The following LHFPL3 variants were observed in gnomAD, a reference collection of about 807,000 sequenced individuals.
LHFPL3 encodes the protein LHFPL tetraspan subfamily member 3.
In LHFPL3, 5 loss-of-function variants were observed where a neutral mutation model predicts 19.3. That is an observed-to-expected ratio of 0.26 (90% CI 0.14 to 0.54). The LOEUF (loss-of-function observed/expected upper bound fraction) is 0.54, where lower values mean the gene tolerates loss of function less well. LHFPL3 is among the 20% of genes least tolerant of loss of function. The pLI, the probability that LHFPL3 is intolerant of heterozygous loss-of-function variation, is 0.94. For synonymous variants in LHFPL3, 133 were observed against 126.2 expected (o/e 1.05, Z -0.36); for missense variants, 249 against 307.4 (o/e 0.81, Z 1.42).
chr7:104,590,406 G>C (rs538645468), intron 1 of LHFPL3, among the ~76,000 whole-genome samples: 6 of 152,008 alleles, frequency 3.9e-5, no homozygotes, highest in Non-Finnish European at 8.8e-5. Flanking sequence ...GTTCAGTTTC[G>C]ATGTAGTTGA....
At chr7:104,526,247 G>A (rs1794187190) in intron 1 of LHFPL3, among the ~76,000 whole-genome samples, 1 of 152,016 alleles carries the variant, frequency 6.6e-6, no homozygotes, top group African/African-American at 2.4e-5. Context: ...CATGGATTGG[G>A]GAAAAGTTGG....
At chr7:104,687,092 C>T (rs2116115626) in intron 1 of LHFPL3, among the ~76,000 whole-genome samples, 1 of 152,298 alleles carries the variant, frequency 6.6e-6, no homozygotes, top group South Asian at 2.1e-4. Context: ...AGAGCCAGAC[C>T]ATATATAGCT....
chr7:104,577,235 A>G (rs1053060617), intron 1 of LHFPL3, among the ~76,000 whole-genome samples: 3 of 152,160 alleles, frequency 2.0e-5, no homozygotes, highest in African/African-American at 7.2e-5. Context: ...AGCTAGACAT[A>G]TTAAGTGGGT....
At chr7:104,712,387 C>A (rs1453823410) in intron 1 of LHFPL3, among the ~76,000 whole-genome samples, 1 of 152,206 alleles carries the variant, frequency 6.6e-6, no homozygotes, top group Non-Finnish European at 1.5e-5. Flanking sequence ...TGTATCCTCA[C>A]ATGGCAGAAA....
At chr7:104,351,214 A>C (rs1790168261) in intron 1 of LHFPL3, among the ~76,000 whole-genome samples, 1 of 152,190 alleles carries the variant, frequency 6.6e-6, no homozygotes, top group South Asian at 2.1e-4. Flanking sequence ...GTAAATTGGC[A>C]GCCATCCAGA....
intron 2 of LHFPL3, among the ~76,000 whole-genome samples, chr7:104,778,925 C>T (rs1794677007): frequency 1.3e-5 from 2 of 152,222 alleles, no homozygotes; most frequent in South Asian, 2.1e-4. Flanking sequence ...TGCCATAATG[C>T]CTGGCTAAAT....
intron 2 of LHFPL3, among the ~76,000 whole-genome samples, chr7:104,815,080 G>A (rs1189519869): frequency 6.6e-6 from 1 of 152,108 alleles, no homozygotes; most frequent in Non-Finnish European, 1.5e-5. Flanking sequence ...CAGGAAAGTG[G>A]GACTCCCGCC....
chr7:104,707,969 A>G (rs144278142), intron 1 of LHFPL3, among the ~76,000 whole-genome samples: 2 of 152,376 alleles, frequency 1.3e-5, no homozygotes, highest in African/African-American at 4.8e-5. Context: ...AAAGAGGTAC[A>G]TCAGAGAGGC....
intron 1 of LHFPL3, among the ~76,000 whole-genome samples, chr7:104,511,944 C>CT (rs58712044): frequency 0.35 from 38,949 of 111,982 alleles, 7,618 homozygotes; most frequent in African/African-American, 0.4. Flanking sequence ...CTTTCCTTTT[C>CT]TTTTTTTTTT....
intron 1 of LHFPL3, among the ~76,000 whole-genome samples, chr7:104,539,981 A>C (rs1473021493): frequency 6.6e-6 from 1 of 152,136 alleles, no homozygotes; most frequent in African/African-American, 2.4e-5. Context: ...TGGAAGGCAG[A>C]GTGTTATAGG....
At chr7:104,684,662 G>T (rs1351266219) in intron 1 of LHFPL3, among the ~76,000 whole-genome samples, 1 of 152,190 alleles carries the variant, frequency 6.6e-6, no homozygotes, top group East Asian at 1.9e-4. Context: ...GGATGCCACT[G>T]ATGTGCTCTG....
At position 104,328,800 on chromosome 7, in the gene LHFPL3, TGCCGCCGCCGCC is replaced by T. The variant is rs745895032; in HGVS notation, c.30_41del (p.Ala11_Ala14del). 1.3e-4 allele frequency: 211 copies of T among 1,592,078 alleles called. 1 individual carries two copies. The Middle Eastern group carries it at 1.8e-3, about 14-fold the overall frequency. ...GGAGAATGCCCGGAGCCGCCGCCGC[TGCCGCCGCCGCC>T]GCCGCCGCGATGCTCCCGGCTCAGG... On this transcript the variant is annotated inframe_deletion, in exon 1 of 3. Transcript: ENST00000424859. This position sits in a 1 kb window ranked among gnomAD's most constrained non-coding sequence, Gnocchi z 4.6.
chr7:104,572,392 G>A (rs192537713), intron 1 of LHFPL3, among the ~76,000 whole-genome samples: 1 of 152,292 alleles, frequency 6.6e-6, no homozygotes, highest in African/African-American at 2.4e-5. Context: ...GATCAAGTCT[G>A]TTTTATTTCA....
chr7:104,803,814 C>A (rs1339107657), intron 2 of LHFPL3: 1 of 152,144 alleles, frequency 6.6e-6, no homozygotes, highest in Non-Finnish European at 1.5e-5. Flanking sequence ...TACCTTTACC[C>A]CTCTTAAATT....
At chr7:104,454,386 C>T (rs900986505) in intron 1 of LHFPL3, among the ~76,000 whole-genome samples, 1 of 152,096 alleles carries the variant, frequency 6.6e-6, no homozygotes, top group African/African-American at 2.4e-5. Flanking sequence ...TGGTCCTTAC[C>T]TTATGAGAAA....
intron 1 of LHFPL3, among the ~76,000 whole-genome samples, chr7:104,602,998 C>G (rs1321742306): frequency 1.3e-5 from 2 of 152,144 alleles, no homozygotes; most frequent in Non-Finnish European, 1.5e-5. Flanking sequence ...ACCTAATCGC[C>G]TCTTAAAGGT....
chr7:104,417,044 C>T (rs1227107876), intron 1 of LHFPL3, among the ~76,000 whole-genome samples: 1 of 152,248 alleles, frequency 6.6e-6, no homozygotes, highest in African/African-American at 2.4e-5. Flanking sequence ...AACATTCTTT[C>T]ACTGGGGATT....
At chr7:104,333,402 G>T (rs1801606683) in intron 1 of LHFPL3, among the ~76,000 whole-genome samples, 1 of 152,184 alleles carries the variant, frequency 6.6e-6, no homozygotes, top group Non-Finnish European at 1.5e-5. Flanking sequence ...ACCTGATCCA[G>T]ATTGGATTTT....
At chr7:104,519,660 C>T (rs1794004405) in intron 1 of LHFPL3, among the ~76,000 whole-genome samples, 1 of 152,058 alleles carries the variant, frequency 6.6e-6, no homozygotes, top group Admixed American at 6.6e-5. Context: ...TATTCTTTTT[C>T]CCATTATAAA....
Sources: allele counts gnomAD v4.1 joint callset (sites outside exome capture counted in the v4.1 genomes callset), GRCh38; gene constraint gnomAD v4.1.1; non-coding constraint Gnocchi (gnomAD v3.1); transcripts MANE v1.5; gene names NCBI Gene and HGNC (gene_info 2026-07-23, HGNC 2026-07-21).